Variants in ULK4 observed in about 807,000 individuals in gnomAD.
The protein encoded by ULK4 is inactive serine/threonine-protein kinase ULK4.
A neutral mutation model predicts 160.6 loss-of-function variants in ULK4; 133 were observed. The observed-to-expected ratio is 0.83, with a 90% CI of 0.72 to 0.96. ULK4 has a LOEUF of 0.96. Among genes scored for constraint, ULK4 ranks in the 40% least tolerant of loss-of-function variants. ULK4 has a pLI of 0.00. For synonymous variants in ULK4, 534 were observed against 539.8 expected (o/e 0.99, Z 0.15); for missense variants, 1,580 against 1,499.5 (o/e 1.05, Z -0.89).
chr3:41,512,852 T>TATCA (rs2085627492), intron 32 of ULK4, among the ~76,000 whole-genome samples: 1 of 151,796 alleles, frequency 6.6e-6, no homozygotes, highest in African/African-American at 2.4e-5. Context: ...AATCTGGAGG[T>TATCA]ATCATATTAC....
At chr3:41,915,077 C>T (rs1322433127) in intron 8 of ULK4, among the ~76,000 whole-genome samples, 1 of 151,944 alleles carries the variant, frequency 6.6e-6, no homozygotes, top group Admixed American at 6.6e-5. Flanking sequence ...CCCATGTAAG[C>T]AAAAAATTAT....
chr3:41,873,873 T>G (rs113922788), intron 17 of ULK4, among the ~76,000 whole-genome samples: 8,956 of 104,312 alleles, frequency 0.086, 831 homozygotes, highest in African/African-American at 0.29. Context: ...GTTTTTGTGG[T>G]TTTTTTTGTT....
intron 35 of ULK4, among the ~76,000 whole-genome samples, chr3:41,374,825 T>C (rs1340322376): frequency 6.6e-6 from 1 of 152,166 alleles, no homozygotes; most frequent in Non-Finnish European, 1.5e-5. Context: ...GGTATTCAAA[T>C]AGGAAGAGAG....
intron 22 of ULK4, among the ~76,000 whole-genome samples, chr3:41,723,033 C>T (rs927812766): frequency 3.3e-5 from 5 of 152,132 alleles, no homozygotes; most frequent in Admixed American, 1.3e-4. Context: ...GTAGTGTATG[C>T]GTTCCCTCTG....
At chr3:41,873,717 C>A (rs763577282) in intron 17 of ULK4, among the ~76,000 whole-genome samples, 8 of 152,044 alleles carry the variant, frequency 5.3e-5, no homozygotes, top group Non-Finnish European at 1.2e-4. Flanking sequence ...TCATGCCTAA[C>A]TAATTTTGTA....
intron 35 of ULK4, among the ~76,000 whole-genome samples, chr3:41,291,891 C>A (rs908007973): frequency 6.7e-6 from 1 of 150,152 alleles, no homozygotes; most frequent in Non-Finnish European, 1.5e-5. Flanking sequence ...AGCGCAGTGG[C>A]GCAATCTCGG....
At chr3:41,439,507 C>A (rs895694247) in intron 34 of ULK4, among the ~76,000 whole-genome samples, 1 of 152,108 alleles carries the variant, frequency 6.6e-6, no homozygotes, top group Admixed American at 6.5e-5. Context: ...TTATTTTTAA[C>A]AGCTTTCTTG....
intron 21 of ULK4, among the ~76,000 whole-genome samples, chr3:41,756,193 C>A (rs1333889756): frequency 6.6e-6 from 1 of 152,120 alleles, no homozygotes; most frequent in Non-Finnish European, 1.5e-5. Flanking sequence ...TTCTCCCACG[C>A]CCAATTAACC....
At chr3:41,946,468 T>A (rs968645285) in intron 2 of ULK4, among the ~76,000 whole-genome samples, 1 of 152,192 alleles carries the variant, frequency 6.6e-6, no homozygotes, top group Non-Finnish European at 1.5e-5. Context: ...CATGACTGCA[T>A]ACGTTTGTTA....
At chr3:41,482,077 T>G (rs1332306967) in intron 32 of ULK4, among the ~76,000 whole-genome samples, 4 of 152,222 alleles carry the variant, frequency 2.6e-5, no homozygotes, top group Non-Finnish European at 5.9e-5. Flanking sequence ...CTTTCACCAC[T>G]TTACTTAATA....
chr3:41,635,578 T>C (rs984886817), intron 30 of ULK4, among the ~76,000 whole-genome samples: 5 of 152,170 alleles, frequency 3.3e-5, no homozygotes, highest in African/African-American at 9.7e-5. Context: ...ATACATGACA[T>C]AGGATCAACC....
chr3:41,572,102 T>C (rs1328910829), intron 31 of ULK4, among the ~76,000 whole-genome samples: 2 of 152,236 alleles, frequency 1.3e-5, no homozygotes, highest in Non-Finnish European at 2.9e-5. Context: ...TCAGTAAGAA[T>C]TGAGGTTAGT....
At chr3:41,567,369 G>A (rs182767425) in intron 31 of ULK4, among the ~76,000 whole-genome samples, 4 of 151,950 alleles carry the variant, frequency 2.6e-5, no homozygotes, top group African/African-American at 7.2e-5. Context: ...GGTTCAGAGG[G>A]CAGCAGTGGG....
intron 18 of ULK4, among the ~76,000 whole-genome samples, chr3:41,833,543 G>T (rs1220030066): frequency 6.6e-6 from 1 of 152,004 alleles, no homozygotes; most frequent in Non-Finnish European, 1.5e-5. Context: ...TGATCCACCT[G>T]CCTCAGCCTC....
intron 2 of ULK4, among the ~76,000 whole-genome samples, chr3:41,946,868 T>C (rs77927214): frequency 0.013 from 1,947 of 152,174 alleles, 42 homozygotes; most frequent in African/African-American, 0.045. Context: ...TGTCTGAAAA[T>C]TTCTCCCACA....
intron 35 of ULK4, among the ~76,000 whole-genome samples, chr3:41,284,504 C>CCT (rs1160066175): frequency 6.6e-6 from 1 of 152,070 alleles, no homozygotes; most frequent in African/African-American, 2.4e-5. Context: ...AAAGGACACC[C>CCT]CTTTCAACAA....
intron 19 of ULK4, among the ~76,000 whole-genome samples, chr3:41,816,425 C>T (rs1384978641): frequency 6.6e-6 from 1 of 152,112 alleles, no homozygotes; most frequent in Admixed American, 6.6e-5. Context: ...TTTAAGACTT[C>T]ACAAGCACTT....
chr3:41,329,598 T>C (rs1200013758), intron 35 of ULK4, among the ~76,000 whole-genome samples: 1 of 152,098 alleles, frequency 6.6e-6, no homozygotes, highest in Non-Finnish European at 1.5e-5. Context: ...AATCTCACCA[T>C]AGTTGTACAA....
At chr3:41,806,247 T>G (rs1188367402) in intron 19 of ULK4, among the ~76,000 whole-genome samples, 1 of 151,008 alleles carries the variant, frequency 6.6e-6, no homozygotes, top group Non-Finnish European at 1.5e-5. Flanking sequence ...ATCCATTGCT[T>G]CTAGATTTTC....
Sources: allele counts gnomAD v4.1 joint callset (sites outside exome capture counted in the v4.1 genomes callset), GRCh38; gene constraint gnomAD v4.1.1; transcripts MANE v1.5; gene names NCBI Gene and HGNC (gene_info 2026-07-23, HGNC 2026-07-21).